Variants in UBL3 observed in about 807,000 individuals in gnomAD.
The protein encoded by UBL3 is ubiquitin like 3.
UBL3 carries 6 observed loss-of-function variants against 18.4 expected under a neutral mutation model. The observed-to-expected ratio is 0.33, with a 90% CI of 0.18 to 0.64. The LOEUF is 0.64. Among genes scored for constraint, UBL3 ranks in the 30% least tolerant of loss-of-function variants. The pLI is 0.76. For synonymous variants in UBL3, 49 were observed against 46.6 expected, an observed-to-expected ratio of 1.05 and a Z score of -0.21; for missense variants, 109 against 142.9, an observed-to-expected ratio of 0.76 and a Z score of 1.21.
intron 1 of UBL3, among the ~76,000 whole-genome samples, chr13:29,785,406 TTTCTTA>T (rs1253725592): frequency 6.6e-6 from 1 of 152,204 alleles, no homozygotes; most frequent in Non-Finnish European, 1.5e-5. Flanking sequence ...TCTGGTTATT[TTTCTTA>T]TTGACATTTG....
rs776757478 is a variant in UBL3, at chr13:29,777,252, G to C, written c.39C>G (p.Arg13=). ...SNVPADMINL[R]LILVSGKTKE... ...TTGTTTTTCCGCTTACCAAAATGAG[G>C]CGCAAATTTATCTGAAAGAAGACAA... The change falls in exon 2 of 5, where the codon CGC becomes CGG. Residue 13 remains arginine, a synonymous_variant. Transcript: ENST00000380680. 1 of 1,605,200 alleles carries C rather than the reference G, an allele frequency of 6.2e-7. No individual in the cohort carries two copies. Among genetic ancestry groups the C allele is most frequent in the East Asian group, 2.2e-5 (1 of 44,720 alleles).
intron 1 of UBL3, among the ~76,000 whole-genome samples, chr13:29,846,452 G>A (rs889750911): frequency 6.6e-6 from 1 of 152,014 alleles, no homozygotes; most frequent in Admixed American, 6.6e-5. Context: ...CCAAAAAATT[G>A]ACATTTGGAT....
chr13:29,802,211 G>T (rs897154107), intron 1 of UBL3, among the ~76,000 whole-genome samples: 3 of 152,182 alleles, frequency 2.0e-5, no homozygotes, highest in African/African-American at 4.8e-5. Context: ...AATACACCCT[G>T]CTGTGAAACC....
intron 1 of UBL3, among the ~76,000 whole-genome samples, chr13:29,800,149 G>T (rs892096153): frequency 1.2e-4 from 19 of 152,106 alleles, no homozygotes; most frequent in African/African-American, 4.3e-4. Flanking sequence ...TTTTACTTCC[G>T]CAAACACCCT....
At chr13:29,810,578 T>C (rs986442946) in intron 1 of UBL3, among the ~76,000 whole-genome samples, 2 of 152,096 alleles carry the variant, frequency 1.3e-5, no homozygotes, top group East Asian at 3.9e-4. Context: ...ATCTTTTGGA[T>C]TTGTAAACTG....
intron 1 of UBL3, among the ~76,000 whole-genome samples, chr13:29,800,005 A>G (rs540251285): frequency 2.6e-5 from 4 of 152,306 alleles, no homozygotes; most frequent in African/African-American, 9.6e-5. Context: ...GACTGAGAAT[A>G]AAATTTTCTA....
chr13:29,777,370 C>G, intron 1 of UBL3, 107 bp from the exon 2 acceptor site: 1 of 830,980 alleles, frequency 1.2e-6, no homozygotes, highest in Non-Finnish European at 1.9e-6. Flanking sequence ...ATTACCAATG[C>G]CATATTGTGG....
chr13:29,779,462 A>T (rs903931425), intron 1 of UBL3, among the ~76,000 whole-genome samples: 7 of 152,288 alleles, frequency 4.6e-5, no homozygotes, highest in Admixed American at 2.0e-4. Flanking sequence ...ACTTCTTAAA[A>T]TTTTTTAAGC....
At chr13:29,843,608 G>A (rs1156734004) in intron 1 of UBL3, among the ~76,000 whole-genome samples, 1 of 152,124 alleles carries the variant, frequency 6.6e-6, no homozygotes. Flanking sequence ...TTTATTCAAA[G>A]TCAGCTACCT....
At chr13:29,831,560 C>T (rs1878771239) in intron 1 of UBL3, among the ~76,000 whole-genome samples, 1 of 149,538 alleles carries the variant, frequency 6.7e-6, no homozygotes, top group Non-Finnish European at 1.5e-5. Context: ...TGTACTCCAG[C>T]CTGGGCAACA....
At chr13:29,796,080 A>C (rs1312339115) in intron 1 of UBL3, among the ~76,000 whole-genome samples, 1 of 152,182 alleles carries the variant, frequency 6.6e-6, no homozygotes, top group Non-Finnish European at 1.5e-5. Context: ...CCGCAAAGGA[A>C]GAAGCATGTT....
At chr13:29,827,036 T>G in intron 1 of UBL3, among the ~76,000 whole-genome samples, 1 of 152,246 alleles carries the variant, frequency 6.6e-6, no homozygotes, top group Admixed American at 6.5e-5. Flanking sequence ...TTGATTGCAC[T>G]GTGGTCTGAG....
intron 1 of UBL3, among the ~76,000 whole-genome samples, chr13:29,788,872 CGCGCGCGCGCGCACGCGCACGTGT>C (rs1413413544): frequency 7.4e-5 from 9 of 120,900 alleles, no homozygotes; most frequent in South Asian, 2.5e-4. Context: ...TGTGTGTGTG[CGCGCGCGCGCGCACGCGCACGTGT>C]GTGCGTGTGT....
chr13:29,799,893 A>T (rs964040104), intron 1 of UBL3, among the ~76,000 whole-genome samples: 1 of 152,144 alleles, frequency 6.6e-6, no homozygotes, highest in South Asian at 2.1e-4. Context: ...GCTTATTTTC[A>T]AAATAAGTCC....
intron 1 of UBL3, among the ~76,000 whole-genome samples, chr13:29,796,957 G>T (rs1877629024): frequency 6.6e-6 from 1 of 152,130 alleles, no homozygotes; most frequent in Admixed American, 6.5e-5. Context: ...AAAACTTAAA[G>T]GCAGGAAGCG....
chr13:29,824,332 A>G (rs1193554150), intron 1 of UBL3, among the ~76,000 whole-genome samples: 2 of 152,198 alleles, frequency 1.3e-5, no homozygotes, highest in Non-Finnish European at 2.9e-5. Flanking sequence ...CCAACACTGT[A>G]AAAGTGTTCC....
intron 3 of UBL3, among the ~76,000 whole-genome samples, chr13:29,770,675 C>T (rs931123230): frequency 6.6e-6 from 1 of 151,920 alleles, no homozygotes; most frequent in Non-Finnish European, 1.5e-5. Flanking sequence ...TTTTAATTCA[C>T]ATAAGATCTT....
At chr13:29,843,357 A>C (rs980298983) in intron 1 of UBL3, among the ~76,000 whole-genome samples, 9 of 152,230 alleles carry the variant, frequency 5.9e-5, no homozygotes, top group African/African-American at 2.2e-4. Flanking sequence ...TCAATCACTA[A>C]AAATGCTATT....
At chr13:29,819,642 CTTT>C (rs1004964652) in intron 1 of UBL3, among the ~76,000 whole-genome samples, 5 of 152,082 alleles carry the variant, frequency 3.3e-5, no homozygotes, top group Admixed American at 1.3e-4. Flanking sequence ...ATGTAGCTTT[CTTT>C]TTATGAGCAT....
Sources: allele counts gnomAD v4.1 joint callset (sites outside exome capture counted in the v4.1 genomes callset), GRCh38; gene constraint gnomAD v4.1.1; transcripts MANE v1.5; gene names NCBI Gene and HGNC (gene_info 2026-07-23, HGNC 2026-07-21).